HYDIN: variants seen among roughly 807,000 people sequenced by gnomAD.
The protein encoded by HYDIN is HYDIN axonemal central pair apparatus protein, also known as axonemal central pair apparatus protein HYDIN.
A neutral mutation model predicts 403.9 loss-of-function variants in HYDIN; 132 were observed. The ratio of observed to expected loss-of-function variants is 0.33; its 90% confidence interval spans 0.28 to 0.38. The LOEUF is 0.38. Among genes scored for constraint, HYDIN ranks in the 10% least tolerant of loss-of-function variants. The probability of loss-of-function intolerance (pLI) is 1.00; values close to 1 mark genes in which losing one functional copy is unlikely to be tolerated. For synonymous variants in HYDIN, 1,202 were observed against 1,891.7 expected (o/e 0.64, Z 9.46); for missense variants, 2,827 against 5,009.5 (o/e 0.56, Z 13.15).
At chr16:70,808,722 T>C (rs1245947855) in intron 85 of HYDIN, among the ~76,000 whole-genome samples, 1 of 152,220 alleles carries the variant, frequency 6.6e-6, no homozygotes, top group Non-Finnish European at 1.5e-5. Flanking sequence ...AGCCACAAGA[T>C]CTCTGATTTT....
At chr16:71,024,350 C>G (rs1211111278) in intron 21 of HYDIN, among the ~76,000 whole-genome samples, 1 of 152,174 alleles carries the variant, frequency 6.6e-6, no homozygotes, top group Admixed American at 6.5e-5. Context: ...TCCCTTGTCA[C>G]CAGACTAGAT....
Position 70,870,944 on chromosome 16 carries a change from T to C in HYDIN, c.11091+1093A>G, listed in dbSNP as rs559433653. The stretch of plus-strand genomic sequence containing the variant: ...TACTTGGGGGGCTGAGGTGGGAGAA[T>C]CACTTGATCTTGGGAAGTGGAGGTT... On this transcript the variant is annotated intron_variant, in intron 65 of 85. Transcript: ENST00000393567. Among the ~76,000 whole-genome samples, 483 of 151,890 alleles carry C rather than the reference T, an allele frequency of 3.2e-3. 1 individual carries two copies. The highest frequency in any genetic ancestry group is 0.011 in the African/African-American group (469 of 41,390).
rs563494488 is a variant in HYDIN, at chr16:71,022,056, C to G, written c.3187-1739G>C. Reference sequence around the variant, plus strand: ...TGGGGTAGCATGGAAGCGGACTCACCTTGCCTCTGCGGGTTGTATACTATG... The same window carrying G: ...TGGGGTAGCATGGAAGCGGACTCACGTTGCCTCTGCGGGTTGTATACTATG... On this transcript the variant is annotated intron_variant, in intron 21 of 85. Transcript: ENST00000393567. 3.3e-5 allele frequency among the ~76,000 whole-genome samples: 5 copies of G among 151,722 alleles called. No individual in the cohort carries two copies. In the East Asian group the frequency reaches 9.7e-4, roughly 29 times the overall value.
chr16:71,071,909 A>G (rs1054292688), intron 13 of HYDIN, among the ~76,000 whole-genome samples: 2 of 152,206 alleles, frequency 1.3e-5, no homozygotes, highest in Non-Finnish European at 2.9e-5. Flanking sequence ...TTTTTCTAGT[A>G]AAGTAAAAAT....
At chr16:71,201,463 G>A (rs141804724) in intron 1 of HYDIN, among the ~76,000 whole-genome samples, 5,854 of 152,160 alleles carry the variant, frequency 0.038, 173 homozygotes, top group Non-Finnish European at 0.059. Flanking sequence ...TTTCCCTAAG[G>A]AAACCCCTCA....
chr16:70,857,868 G>A lies in HYDIN; in HGVS notation c.12132C>T (p.Ile4044=), dbSNP rs770557117. 2.6e-5 allele frequency: 42 copies of A among 1,613,312 alleles called. No individual in the cohort carries two copies. The highest frequency in any genetic ancestry group is 9.9e-5 in the South Asian group (9 of 90,924). ...GFIHPEKKAE[I]VFQFTPFHLG... is the part of the protein sequence containing the mutation. ...GATGGAAAGGTGTGAACTGGAACAC[G>A]ATCTAACAAGACAATTTGGAACAGA... is the stretch of plus-strand genomic sequence containing the variant. Residue 4044 remains isoleucine (I), a splice_region_variant and synonymous_variant, in exon 72 of 86, where the codon ATC becomes ATT. Coordinates refer to ENST00000393567, the MANE Select transcript of HYDIN (RefSeq NM_001270974.2).
At chr16:71,100,465 G>A (rs1048496083) in intron 10 of HYDIN, among the ~76,000 whole-genome samples, 4 of 152,046 alleles carry the variant, frequency 2.6e-5, no homozygotes, top group African/African-American at 9.7e-5. Context: ...AAAACAAATT[G>A]GGAGAACTTG....
intron 12 of HYDIN, among the ~76,000 whole-genome samples, chr16:71,084,484 T>C (rs1032151805): frequency 1.3e-5 from 2 of 151,278 alleles, no homozygotes; most frequent in African/African-American, 4.9e-5. Context: ...CCTCCTGGGT[T>C]CAAGTGATTC....
At chr16:70,922,473 T>C (rs1310347981) in intron 45 of HYDIN, among the ~76,000 whole-genome samples, 1 of 152,118 alleles carries the variant, frequency 6.6e-6, no homozygotes, top group East Asian at 1.9e-4. Flanking sequence ...CAAACACACG[T>C]GGAACATTTA....
At chr16:70,904,478 C>CTTTTTTTTTTTTTTT (rs76148650) in intron 50 of HYDIN, among the ~76,000 whole-genome samples, 1 of 25,218 alleles carries the variant, frequency 4.0e-5, no homozygotes, top group African/African-American at 9.8e-5. Context: ...ACTTGAGTAA[C>CTTTTTTTTTTTTTTT]TTTTTTTTTT....
At chr16:70,931,553 G>A (rs1399903789) in intron 45 of HYDIN, among the ~76,000 whole-genome samples, 2 of 151,564 alleles carry the variant, frequency 1.3e-5, no homozygotes, top group Non-Finnish European at 2.9e-5. Flanking sequence ...CAGACCTACG[G>A]AATCGGAACC....
Position 70,862,132 on chromosome 16 carries a change from A to G in HYDIN, c.11693T>C (p.Ile3898Thr). The G allele has an allele frequency of 6.2e-7, 1 of 1,611,982 alleles. No individual in the cohort carries two copies. Among genetic ancestry groups the G allele is most frequent in the East Asian group, 2.2e-5 (1 of 44,822 alleles). Reference sequence around the variant, plus strand: ...CTTCTGAATCTTCCCCACCGGCACGATTCCCGAAGAGGGCTCCACAGAGAA... The same window carrying G: ...CTTCTGAATCTTCCCCACCGGCACGGTTCCCGAAGAGGGCTCCACAGAGAA... ...QPFSVEPSSG[I>T]VPVGKIQKFK... Residue 3898 changes from isoleucine to threonine, a missense_variant, in exon 69 of 86, where the codon ATC (isoleucine) becomes ACC (threonine). Physicochemically the swap from Ile to Thr is moderately conservative, Grantham distance 89. Transcript: ENST00000393567.
intron 84 of HYDIN, 96 bp from the exon 85 acceptor site, chr16:70,810,103 A>G: frequency 9.1e-7 from 1 of 1,102,212 alleles, no homozygotes; most frequent in Non-Finnish European, 1.4e-6. Context: ...GGTTGGGGGC[A>G]GAAATAGTGC....
At position 71,186,755 on chromosome 16, in the gene HYDIN, C is replaced by T. The variant is rs1212868958; in HGVS notation, c.135+6G>A. ...TATTTTACATATTAATTCCCGGATACATTACCATTCGGTTTACTTCTTCTT... is the reference window on the plus strand; with the variant it reads ...TATTTTACATATTAATTCCCGGATATATTACCATTCGGTTTACTTCTTCTT... On this transcript the variant is annotated splice_donor_region_variant and intron_variant, in intron 2 of 85. Transcript: ENST00000393567. 1.2e-6 allele frequency: 2 copies of T among 1,609,200 alleles called. No individual in the cohort carries two copies. The highest frequency in any genetic ancestry group is 2.2e-5 in the East Asian group (1 of 44,816).
intron 85 of HYDIN, 74 bp downstream of exon 85, chr16:70,809,709 G>T: frequency 8.6e-7 from 1 of 1,167,070 alleles, no homozygotes; most frequent in Non-Finnish European, 1.3e-6. Context: ...CATGCTCCCT[G>T]TGTCTCCTCT....
chr16:71,072,349 G>C (rs1041609514), intron 13 of HYDIN, among the ~76,000 whole-genome samples: 3 of 151,018 alleles, frequency 2.0e-5, no homozygotes, highest in African/African-American at 7.3e-5. Flanking sequence ...ATGTGGATTA[G>C]GCCCAGCTCA....
chr16:70,978,583 A>G (rs1175473904), intron 30 of HYDIN, among the ~76,000 whole-genome samples: 2 of 152,200 alleles, frequency 1.3e-5, no homozygotes, highest in East Asian at 3.9e-4. Flanking sequence ...TGGCAGCCAG[A>G]GGGATCTCTT....
intron 39 of HYDIN, among the ~76,000 whole-genome samples, chr16:70,955,816 ATTCTTTTT>A (rs2078216863): frequency 6.6e-6 from 1 of 151,920 alleles, no homozygotes; most frequent in South Asian, 2.1e-4. Flanking sequence ...TAAAAAACAG[ATTCTTTTT>A]TTCTTTTTTT....
intron 75 of HYDIN, among the ~76,000 whole-genome samples, chr16:70,840,793 A>G (rs1430882404): frequency 6.6e-6 from 1 of 151,860 alleles, no homozygotes; most frequent in Non-Finnish European, 1.5e-5. Flanking sequence ...TGACCAGGAG[A>G]TGACAAGAAG....
Sources: gnomAD v4.1 joint callset for allele counts (sites outside exome capture counted in the v4.1 genomes callset) on GRCh38, gnomAD v4.1.1 for gene constraint, MANE v1.5 for transcripts, NCBI Gene and HGNC (gene_info 2026-07-23, HGNC 2026-07-21) for gene names.